Variants in NIPBL observed in about 807,000 individuals in gnomAD.
NIPBL encodes nipped-B-like protein.
Under a neutral mutation model 321.8 loss-of-function variants are expected in NIPBL, and 19 were observed. That is an observed-to-expected ratio of 0.06 (90% CI 0.04 to 0.09). NIPBL has a LOEUF of 0.09. Among genes scored for constraint, NIPBL ranks in the 10% least tolerant of loss-of-function variants. The pLI, the probability that NIPBL is intolerant of heterozygous loss-of-function variation, is 1.00. For synonymous variants in NIPBL, 1,106 were observed against 1,114.1 expected, an observed-to-expected ratio of 0.99 and a Z score of 0.14; for missense variants, 2,210 against 3,327.0, an observed-to-expected ratio of 0.66 and a Z score of 8.26.
At chr5:37,051,391 A>G in intron 40 of NIPBL, 1 of 201,356 alleles carries the variant, frequency 5.0e-6, no homozygotes, top group Non-Finnish European at 1.0e-5. Context: ...AGTATGGAAA[A>G]CAAATTACTG....
chr5:36,951,838 A>C (rs1056121487), intron 1 of NIPBL, among the ~76,000 whole-genome samples: 2 of 152,108 alleles, frequency 1.3e-5, no homozygotes, highest in African/African-American at 4.8e-5. Context: ...AAAGGAAAGT[A>C]ATGTTTTTTC....
rs1746185876 is a variant in NIPBL at position 36,996,916 on chromosome 5, G to T, written c.3304+1112G>T. 6.1e-6 allele frequency: 1 copy of T among 164,140 alleles called. No homozygotes were observed. Among genetic ancestry groups the T allele is most frequent in the South Asian group, 1.6e-4 (1 of 6,070 alleles). The allele number at this position is 164,140 out of a possible 1,614,324, so 10.2% of individuals were successfully genotyped here. A position where few individuals can be genotyped will look rare whatever the true frequency, so the allele number is the denominator to read the frequency against. On this transcript the variant is annotated intron_variant, in intron 11 of 46. Transcript: ENST00000282516. The surrounding 1 kb of genome is among the most constrained non-coding windows in gnomAD (Gnocchi z 5.0). ...AATTTACTGATTTTTTTTTAATTGTGAGCTCTTGAGCTATGAGCAGTAGAC... is the reference window on the plus strand; with the variant it reads ...AATTTACTGATTTTTTTTTAATTGTTAGCTCTTGAGCTATGAGCAGTAGAC...
intron 1 of NIPBL, among the ~76,000 whole-genome samples, chr5:36,911,280 T>A (rs1748029860): frequency 6.6e-6 from 1 of 152,240 alleles, no homozygotes; most frequent in Admixed American, 6.5e-5. Flanking sequence ...AATGAGTCAT[T>A]ATTACTAAGG....
chr5:36,894,648 C>T (rs1746597438), intron 1 of NIPBL, among the ~76,000 whole-genome samples: 1 of 151,748 alleles, frequency 6.6e-6, no homozygotes, highest in Non-Finnish European at 1.5e-5. Flanking sequence ...TGTTTTTTTC[C>T]CCCCACTGCG....
intron 1 of NIPBL, among the ~76,000 whole-genome samples, chr5:36,897,065 C>T (rs150373323): frequency 5.3e-5 from 8 of 151,270 alleles, no homozygotes; most frequent in South Asian, 4.2e-4. Context: ...TGCAATGGCA[C>T]GATCTTGGCT....
intron 3 of NIPBL, among the ~76,000 whole-genome samples, chr5:36,957,235 T>C (rs539104373): frequency 2.0e-5 from 3 of 152,330 alleles, no homozygotes; most frequent in Non-Finnish European, 2.9e-5. Context: ...AAATTGCTGC[T>C]GTGAAGTGTA....
chr5:36,893,553 T>C (rs1433257976), intron 1 of NIPBL, among the ~76,000 whole-genome samples: 1 of 152,128 alleles, frequency 6.6e-6, no homozygotes, highest in African/African-American at 2.4e-5. Flanking sequence ...CTCTTTTAGC[T>C]GTGTTCCCTT....
At chr5:37,019,220 A>C in intron 24 of NIPBL, 91 bp from the exon 25 acceptor site, 2 of 831,812 alleles carry the variant, frequency 2.4e-6, no homozygotes, top group South Asian at 1.4e-5. Flanking sequence ...TTTTAATATC[A>C]GTTTTTCCTT....
At chr5:36,966,186 A>G (rs1443235408) in intron 6 of NIPBL, among the ~76,000 whole-genome samples, 1 of 152,100 alleles carries the variant, frequency 6.6e-6, no homozygotes, top group East Asian at 1.9e-4. Flanking sequence ...CACACATTGC[A>G]TTTGATTTTT....
intron 21 of NIPBL, among the ~76,000 whole-genome samples, chr5:37,012,896 T>C (rs299399): frequency 0.033 from 4,944 of 152,010 alleles, 250 homozygotes; most frequent in African/African-American, 0.11. Flanking sequence ...CCATCCGATT[T>C]CTCAATCTTT....
intron 13 of NIPBL, 26 bp downstream of exon 13, chr5:37,000,914 T>C: frequency 2.5e-6 from 4 of 1,596,672 alleles, no homozygotes; most frequent in Non-Finnish European, 3.4e-6. Flanking sequence ...ATTTAATTTG[T>C]CTTTATTCAT....
At chr5:36,900,367 C>T (rs776413736) in intron 1 of NIPBL, among the ~76,000 whole-genome samples, 9 of 152,080 alleles carry the variant, frequency 5.9e-5, no homozygotes, top group Non-Finnish European at 1.2e-4. Flanking sequence ...GAGACTTTAG[C>T]GTCCATGAAT....
At chr5:37,034,057 G>C (rs980818716) in intron 32 of NIPBL, among the ~76,000 whole-genome samples, 1 of 151,828 alleles carries the variant, frequency 6.6e-6, no homozygotes, top group South Asian at 2.1e-4. Context: ...ACCAGTGTAA[G>C]TCAAGAGTCC....
At chr5:36,916,808 T>C (rs1000039307) in intron 1 of NIPBL, among the ~76,000 whole-genome samples, 58 of 152,320 alleles carry the variant, frequency 3.8e-4, no homozygotes, top group African/African-American at 1.1e-3. Context: ...GCTTCATCCA[T>C]GTCCCTACAA....
At chr5:36,958,351 A>C in intron 4 of NIPBL, 120 bp downstream of exon 4, 21 of 897,390 alleles carry the variant, frequency 2.3e-5, no homozygotes, top group Non-Finnish European at 3.6e-5. Context: ...CAGTCAAGCC[A>C]AGAACAAGAA....
intron 9 of NIPBL, among the ~76,000 whole-genome samples, chr5:36,979,229 G>A (rs917854967): frequency 6.6e-6 from 1 of 151,894 alleles, no homozygotes; most frequent in Non-Finnish European, 1.5e-5. Flanking sequence ...ACCATGGAAT[G>A]TTTTTGATTT....
intron 1 of NIPBL, among the ~76,000 whole-genome samples, chr5:36,923,323 C>CA (rs2149561575): frequency 1.3e-5 from 2 of 151,794 alleles, no homozygotes; most frequent in African/African-American, 4.8e-5. Context: ...AAAACAAAAA[C>CA]AAACAACAAC....
intron 1 of NIPBL, among the ~76,000 whole-genome samples, chr5:36,881,596 A>G (rs1462483354): frequency 6.6e-6 from 1 of 151,984 alleles, no homozygotes; most frequent in African/African-American, 2.4e-5. Context: ...TGGTCCTACA[A>G]TTAGTAAATG....
Position 36,913,540 on chromosome 5 carries a change from C to T in NIPBL, c.-80+36362C>T, listed in dbSNP as rs1055266628. 5.9e-5 allele frequency among the ~76,000 whole-genome samples: 9 copies of T among 152,038 alleles called. No homozygotes were observed. The East Asian group carries it at 1.7e-3, about 29-fold the overall frequency. On this transcript the variant is annotated intron_variant, in intron 1 of 46. Transcript: ENST00000282516. The stretch of plus-strand genomic sequence containing the variant: ...AAATACTTGGGACTACAGATGTGTG[C>T]CACCACAGCTGGCTAATTTTTCTGT...
Sources: gnomAD v4.1 joint callset for allele counts (sites outside exome capture counted in the v4.1 genomes callset) on GRCh38, gnomAD v4.1.1 for gene constraint, Gnocchi (gnomAD v3.1) non-coding constraint, MANE v1.5 for transcripts, NCBI Gene and HGNC (gene_info 2026-07-23, HGNC 2026-07-21) for gene names.